MICALL2: variants seen among roughly 807,000 people sequenced by gnomAD.
MICALL2 encodes the protein MICAL-like protein 2.
MICALL2 carries 111 observed loss-of-function variants against 91.1 expected under a neutral mutation model. That is an observed-to-expected ratio of 1.22 (90% CI 1.04 to 1.43). The LOEUF (loss-of-function observed/expected upper bound fraction) is 1.43. Among genes scored for constraint, MICALL2 ranks in the 40% most tolerant of loss-of-function variants. The pLI, the probability that MICALL2 is intolerant of heterozygous loss-of-function variation, is 0.00. For synonymous variants in MICALL2, 694 were observed against 525.3 expected, an observed-to-expected ratio of 1.32 and a Z score of -4.39; for missense variants, 1,556 against 1,236.0, an observed-to-expected ratio of 1.26 and a Z score of -3.88.
chr7:1,440,347 G>A lies in MICALL2; in HGVS notation c.1805+244C>T, dbSNP rs1780219951. ...CCACACATGGGGAGACTCCACCCCA[G>A]CTGCAGGCATGGTGCGTGAACCCAC... On this transcript the variant is annotated intron_variant, in intron 8 of 16. Transcript: ENST00000297508. The A allele has an allele frequency of 4.9e-6, 3 of 618,442 alleles. No homozygotes were observed. In the South Asian group the frequency reaches 5.9e-5, roughly 12 times the overall value. The allele number at this position is 618,442 out of a possible 1,614,324, so 38.3% of individuals were successfully genotyped here.
rs370557290 is a variant in MICALL2 at position 1,438,104 on chromosome 7, G to A, written c.2304C>T (p.Ala768=). Residue 768 remains alanine (A), a synonymous_variant, in exon 12 of 17, where the codon GCC becomes GCT. Coordinates refer to ENST00000297508, the MANE Select transcript of MICALL2 (RefSeq NM_182924.4). ...GVELEKRLRA[A]EGDDAEDSLM... ...CCAGGCCGAGGCGCTCACCTCCCTC[G>A]GCCGCCCGCAGTCGCTTCTCCAGCT... 1.0e-5 allele frequency: 16 copies of A among 1,566,540 alleles called. No homozygotes were observed. The highest frequency in any genetic ancestry group is 5.9e-5 in the South Asian group (5 of 85,376).
rs753263399 is a variant in MICALL2, at chr7:1,434,469, A to G, written c.*127T>C. 6.0e-6 allele frequency: 5 copies of G among 828,750 alleles called. No homozygotes were observed. Among genetic ancestry groups the G allele is most frequent in the South Asian group, 5.5e-5 (4 of 72,104 alleles). 51.3% of individuals were successfully genotyped at this position (828,750 alleles called of 1,614,324 possible). ...GAGGCCCTTCCCGAGTCCAAGTCCG[A>G]ATGCCGGGTCCGGGCCGAGCCCACG... On this transcript the variant is annotated 3_prime_UTR_variant, in exon 17 of 17. Transcript: ENST00000297508.
At chr7:1,439,080 G>A (rs984473265) in intron 9 of MICALL2, 85 bp from the exon 10 acceptor site, 23 of 1,118,222 alleles carry the variant, frequency 2.1e-5, no homozygotes, top group African/African-American at 6.3e-5. Context: ...CCAACAGCTC[G>A]CTGGGTAGCC....
intron 1 of MICALL2, among the ~76,000 whole-genome samples, chr7:1,454,248 G>A (rs975864735): frequency 9.9e-5 from 15 of 152,206 alleles, no homozygotes; most frequent in Middle Eastern, 3.4e-3. Flanking sequence ...AGAATCCCAC[G>A]GAGAAGGGAG....
intron 12 of MICALL2, 57 bp from the exon 13 acceptor site, chr7:1,438,037 C>T: frequency 6.4e-7 from 1 of 1,560,068 alleles, no homozygotes; most frequent in Non-Finnish European, 8.7e-7. Context: ...GGCCCCCAGC[C>T]CCAGGACTGA....
At chr7:1,437,301 C>T (rs972990630) in intron 14 of MICALL2, 1 of 501,230 alleles carries the variant, frequency 2.0e-6, no homozygotes. Flanking sequence ...GTGGGTGCTA[C>T]AAGCATCCTC....
rs956443620 is a variant in MICALL2, at chr7:1,450,586, G to A, written c.144-298C>T. ...CCACAGTCAGAGGTGGCAGGAAGCA[G>A]GCCTGGGAGGTGAGGTCACCAGCCC... On this transcript the variant is annotated intron_variant, in intron 1 of 16. Coordinates refer to ENST00000297508, the MANE Select transcript of MICALL2 (RefSeq NM_182924.4). 5 of 374,914 alleles carry A rather than the reference G, an allele frequency of 1.3e-5. No homozygotes were observed. The Admixed American group carries it at 1.9e-4, about 14-fold the overall frequency. 23.2% of individuals were successfully genotyped at this position (374,914 alleles called of 1,614,324 possible).
At chr7:1,457,601 C>T (rs1445717709) in intron 1 of MICALL2, among the ~76,000 whole-genome samples, 1 of 152,250 alleles carries the variant, frequency 6.6e-6, no homozygotes, top group African/African-American at 2.4e-5. Flanking sequence ...AGATACACAG[C>T]GACCACCGTG....
chr7:1,439,797 TCTGG>T, intron 9 of MICALL2, 124 bp downstream of exon 9: 1 of 729,202 alleles, frequency 1.4e-6, no homozygotes, highest in Non-Finnish European at 2.0e-6. Context: ...TACCAGCTTC[TCTGG>T]CTGACCGGAG....
Position 1,444,677 on chromosome 7 carries a change from C to T in MICALL2, c.1393G>A (p.Glu465Lys). The change falls in exon 6 of 17, where the codon GAG becomes AAG. Residue 465 changes from glutamate to lysine, a missense_variant. By Grantham distance (56) the Glu-to-Lys change is moderately conservative. Coordinates refer to ENST00000297508, the MANE Select transcript of MICALL2 (RefSeq NM_182924.4). The part of the protein sequence containing the change: ...FLKQALSALE[E>K]AGAPAPGRPS... ...CTGCCAGGCGCCGGAGCGCCAGCCT[C>T]TTCCAGCGCTGAGAGGGCCTGCTTG... The T allele has an allele frequency of 1.9e-6, 3 of 1,611,718 alleles. No individual in the cohort carries two copies. Among genetic ancestry groups the T allele is most frequent in the Non-Finnish European group, 2.5e-6 (3 of 1,179,792 alleles).
At chr7:1,435,520 G>T (rs1320050924) in intron 15 of MICALL2, among the ~76,000 whole-genome samples, 2 of 151,598 alleles carry the variant, frequency 1.3e-5, no homozygotes, top group African/African-American at 4.9e-5. Flanking sequence ...CCACACAGGT[G>T]ATGTGGGACA....
Position 1,434,984 on chromosome 7 carries a change from CG to C in MICALL2, c.2638+116del, listed in dbSNP as rs201690595. On this transcript the variant is annotated intron_variant, in intron 16 of 16. Transcript: ENST00000297508. ...AAGGCTGAGGGGGGGACCCGATACC[CG>C]CCCCCCCCCCACCCCCAGCTGGAGG... 71 of 449,108 alleles carry C rather than the reference CG, an allele frequency of 1.6e-4. 1 individual carries two copies. The highest frequency in any genetic ancestry group is 6.0e-4 in the South Asian group (20 of 33,212). The allele number at this position is 449,108 out of a possible 1,614,324, so 27.8% of individuals were successfully genotyped here.
At position 1,456,870 on chromosome 7, in the gene MICALL2, G is replaced by A. The variant is rs536993294; in HGVS notation, c.143+2314C>T. 9.8e-5 allele frequency among the ~76,000 whole-genome samples: 15 copies of A among 152,318 alleles called. No homozygotes were observed. In the South Asian group the frequency reaches 2.5e-3, roughly 25 times the overall value. On this transcript the variant is annotated intron_variant, in intron 1 of 16. Transcript: ENST00000297508. ...GACACTCCGGGTTTTCCATCAGCCAGGGTCTACAGAGGCCCCCACGCCCCA... is the reference window on the plus strand; with the variant it reads ...GACACTCCGGGTTTTCCATCAGCCAAGGTCTACAGAGGCCCCCACGCCCCA...
intron 9 of MICALL2, chr7:1,439,643 C>T (rs1230079848): frequency 1.6e-5 from 6 of 365,544 alleles, no homozygotes; most frequent in Non-Finnish European, 2.4e-5. Flanking sequence ...GGACATGCAT[C>T]ACGTGCACAT....
intron 2 of MICALL2, among the ~76,000 whole-genome samples, chr7:1,449,237 C>T (rs919487642): frequency 5.3e-5 from 8 of 152,374 alleles, no homozygotes; most frequent in Admixed American, 3.3e-4. Context: ...GCCCAGCAGC[C>T]GCCGGCCAGG....
In MICALL2 at chr7:1,444,948, G is replaced by T; in HGVS notation, c.1122C>A (p.Ala374=). The T allele has an allele frequency of 6.6e-7, 1 of 1,512,514 alleles. No homozygotes were observed. Among genetic ancestry groups the T allele is most frequent in the Non-Finnish European group, 8.8e-7 (1 of 1,131,754 alleles). 93.7% of individuals were successfully genotyped at this position (1,512,514 alleles called of 1,614,324 possible). The change falls in exon 6 of 17, where the codon GCC becomes GCA. Residue 374 remains alanine (A), a synonymous_variant. Coordinates refer to ENST00000297508, the MANE Select transcript of MICALL2 (RefSeq NM_182924.4). ...GGGGGGCTCCCCCACCCTGGGGTGT[G>T]GCCGGGCGAGGGTCTGGGGCACTCG... ...VPPSAPDPRP[A]TPQGGGAPRV...
At chr7:1,434,709 C>T in intron 16 of MICALL2, 37 bp from the exon 17 acceptor site, 2 of 1,517,760 alleles carry the variant, frequency 1.3e-6, no homozygotes, top group Non-Finnish European at 1.8e-6. Flanking sequence ...GTGCTCAACG[C>T]CGCAGCCGCA....
intron 1 of MICALL2, 149 bp from the exon 2 acceptor site, chr7:1,450,437 G>A (rs966007564): frequency 8.7e-6 from 6 of 691,116 alleles, no homozygotes; most frequent in Non-Finnish European, 1.6e-5. Context: ...CCACAGGTGG[G>A]CAGAGGCCAG....
chr7:1,443,164 G>A (rs909914870), intron 6 of MICALL2, among the ~76,000 whole-genome samples: 2 of 147,412 alleles, frequency 1.4e-5, no homozygotes, highest in Non-Finnish European at 3.0e-5. Context: ...TTCCCCAGAG[G>A]AGCTGGGGTC....
Sources: gnomAD v4.1 joint callset for allele counts (sites outside exome capture counted in the v4.1 genomes callset) on GRCh38, gnomAD v4.1.1 for gene constraint, MANE v1.5 for transcripts, NCBI Gene and HGNC (gene_info 2026-07-23, HGNC 2026-07-21) for gene names.